EDARADD: variants seen among roughly 807,000 people sequenced by gnomAD.
The protein encoded by EDARADD is ectodysplasin-A receptor-associated adapter protein.
EDARADD carries 20 observed loss-of-function variants against 25.6 expected under a neutral mutation model. That is an observed-to-expected ratio of 0.78 (90% CI 0.55 to 1.14). The LOEUF (loss-of-function observed/expected upper bound fraction) is 1.14, where lower values mean the gene tolerates loss of function less well. Among genes scored for constraint, EDARADD ranks in the 50% most tolerant of loss-of-function variants. The pLI is 0.00. For synonymous variants in EDARADD, 86 were observed against 94.4 expected, an observed-to-expected ratio of 0.91 and a Z score of 0.52; for missense variants, 225 against 270.1, an observed-to-expected ratio of 0.83 and a Z score of 1.17.
chr1:236,363,037 T>G (rs1285177260), intron 3 of EDARADD, among the ~76,000 whole-genome samples: 1 of 80,834 alleles, frequency 1.2e-5, no homozygotes, highest in Non-Finnish European at 2.4e-5. Context: ...ATATATAAAA[T>G]TTGTGTACAG....
In EDARADD at chr1:236,483,102, G is replaced by T; in HGVS notation, c.*453G>T. The T allele has an allele frequency of 9.2e-7, 1 of 1,083,698 alleles. No individual in the cohort carries two copies. The highest frequency in any genetic ancestry group is 1.4e-6 in the Non-Finnish European group (1 of 718,746). 67.1% of individuals were successfully genotyped at this position (1,083,698 alleles called of 1,614,324 possible). A position where few individuals can be genotyped will look rare whatever the true frequency, so the allele number is the denominator to read the frequency against. ...AAACAGCTACAAGGAATGCTTACCT[G>T]AGTGTCTGCAGCACCCTCCACTTCT... On this transcript the variant is annotated 3_prime_UTR_variant, in exon 6 of 6. Coordinates refer to ENST00000334232, the MANE Select transcript of EDARADD (RefSeq NM_145861.4).
At chr1:236,436,260 C>T (rs1024212485) in intron 4 of EDARADD, among the ~76,000 whole-genome samples, 24 of 151,936 alleles carry the variant, frequency 1.6e-4, no homozygotes, top group Admixed American at 9.2e-4. Flanking sequence ...TGGGTTCAAG[C>T]GATTTACCTG....
chr1:236,426,149 TTTTTAAG>T (rs1420517468), intron 3 of EDARADD, among the ~76,000 whole-genome samples: 2 of 151,986 alleles, frequency 1.3e-5, no homozygotes, highest in Non-Finnish European at 2.9e-5. Context: ...GCCTGGCTAA[TTTTTAAG>T]TTTTTTGAGA....
rs577963160 is a variant in EDARADD at position 236,362,987 on chromosome 1, GA to G, written c.-6+12168del. On this transcript the variant is annotated intron_variant, in intron 3 of 7. Transcript: ENST00000439430. ...TCAAGACTCTGTCTTCTTTTTTTAA[GA>G]AAAAAAAAAAAAAAAAAAATATATA... Among the ~76,000 whole-genome samples the G allele has an allele frequency of 5.4e-3, 160 of 29,550 alleles. 5 individuals carry two copies. Among genetic ancestry groups the G allele is most frequent in the African/African-American group, 0.019 (119 of 6,352 alleles). 19.4% of individuals were successfully genotyped at this position (29,550 alleles called of 152,430 possible).
intron 4 of EDARADD, among the ~76,000 whole-genome samples, chr1:236,442,815 G>A (rs1282681308): frequency 1.3e-5 from 2 of 152,202 alleles, no homozygotes; most frequent in South Asian, 4.1e-4. Context: ...GGAAATTAAT[G>A]TTGTTTTCAT....
chr1:236,416,875 C>T (rs10925119), intron 3 of EDARADD, among the ~76,000 whole-genome samples: 31,387 of 151,982 alleles, frequency 0.21, 4,386 homozygotes, highest in African/African-American at 0.4. Context: ...TGTTTATGGC[C>T]GGGTGCCATG....
At chr1:236,415,743 C>T (rs1329390270) in intron 3 of EDARADD, among the ~76,000 whole-genome samples, 1 of 152,216 alleles carries the variant, frequency 6.6e-6, no homozygotes, top group African/African-American at 2.4e-5. Context: ...CCCACTGCAC[C>T]TGGGCCCTGT....
At chr1:236,428,870 C>A (rs1015799095) in intron 4 of EDARADD, among the ~76,000 whole-genome samples, 5 of 152,008 alleles carry the variant, frequency 3.3e-5, no homozygotes, top group African/African-American at 1.2e-4. Flanking sequence ...GAGCGAGACT[C>A]TGTCTGCAAT....
At chr1:236,413,714 A>G (rs1657561146) in intron 2 of EDARADD, among the ~76,000 whole-genome samples, 1 of 152,234 alleles carries the variant, frequency 6.6e-6, no homozygotes, top group African/African-American at 2.4e-5. Flanking sequence ...CTGTAACAGT[A>G]TTACTCTCAA....
intron 5 of EDARADD, among the ~76,000 whole-genome samples, chr1:236,481,873 G>A (rs1659684733): frequency 6.6e-6 from 1 of 151,778 alleles, no homozygotes; most frequent in African/African-American, 2.4e-5. Context: ...CAGCACTTTG[G>A]GAGGCCGAGG....
rs747324152 is a variant in EDARADD, at chr1:236,482,633, C to T, written c.632C>T (p.Pro211Leu). The change falls in exon 6 of 6, where the codon CCC becomes CTC. Residue 211 changes from proline (P) to leucine (L), a missense_variant. Coordinates refer to ENST00000334232, the MANE Select transcript of EDARADD (RefSeq NM_145861.4). The part of the protein sequence containing the change: ...EEWPKRERGD[P>L]SRHF The stretch of plus-strand genomic sequence containing the variant: ...TGGCCCAAGCGGGAGCGTGGAGACC[C>T]CTCCAGGCACTTCTAGAGCTCTTCT... The T allele has an allele frequency of 4.3e-6, 7 of 1,611,872 alleles. No homozygotes were observed. In the Admixed American group the frequency reaches 1.0e-4, roughly 23 times the overall value.
At position 236,430,855 on chromosome 1, in the gene EDARADD, C is replaced by T. The variant is rs185556678; in HGVS notation, c.219+3405C>T. ...GCTGGAGGCCGAGCTCGGTGGCTCA[C>T]GCCTATAATCCCAACACTTTGTGGG... On this transcript the variant is annotated intron_variant, in intron 4 of 5. Coordinates refer to ENST00000334232, the MANE Select transcript of EDARADD (RefSeq NM_145861.4). Among the ~76,000 whole-genome samples the T allele has an allele frequency of 1.6e-3, 243 of 152,242 alleles. 1 individual carries two copies. Among genetic ancestry groups the T allele is most frequent in the African/African-American group, 5.6e-3 (234 of 41,544 alleles).
chr1:236,433,367 TG>T (rs1426375361), intron 4 of EDARADD, among the ~76,000 whole-genome samples: 1 of 151,822 alleles, frequency 6.6e-6, no homozygotes, highest in African/African-American at 2.4e-5. Flanking sequence ...GAGATCAGCC[TG>T]GCCAACATGG....
chr1:236,462,735 G>A (rs947001816), intron 4 of EDARADD, among the ~76,000 whole-genome samples: 1 of 152,200 alleles, frequency 6.6e-6, no homozygotes, highest in African/African-American at 2.4e-5. Context: ...CCGACTTTCT[G>A]TTCAAAGAAT....
chr1:236,430,021 A>ATT (rs1658051970), intron 4 of EDARADD, among the ~76,000 whole-genome samples: 2 of 152,240 alleles, frequency 1.3e-5, no homozygotes, highest in Non-Finnish European at 2.9e-5. Context: ...TAAAGTCTTT[A>ATT]ATAGTAACAT....
intron 3 of EDARADD, among the ~76,000 whole-genome samples, chr1:236,425,641 G>A (rs1402169198): frequency 6.6e-6 from 1 of 152,138 alleles, no homozygotes; most frequent in Non-Finnish European, 1.5e-5. Flanking sequence ...ACCGGTTAGG[G>A]GGATGTGCTA....
At position 236,415,341 on chromosome 1, in the gene EDARADD, C is replaced by T. The variant is rs114321195; in HGVS notation, c.160+1042C>T. Among the ~76,000 whole-genome samples the T allele has an allele frequency of 3.3e-3, 509 of 152,290 alleles. 4 individuals carry two copies. The highest frequency in any genetic ancestry group is 0.012 in the African/African-American group (491 of 41,540). ...AAACTAAAAAAGCTATCTTTGATAA[C>T]CCATACACTTATGCTTTAGGCATGG... On this transcript the variant is annotated intron_variant, in intron 3 of 5. Transcript: ENST00000334232.
At chr1:236,361,843 G>C (rs1250698199) in intron 3 of EDARADD, among the ~76,000 whole-genome samples, 1 of 151,382 alleles carries the variant, frequency 6.6e-6, no homozygotes, top group East Asian at 1.9e-4. Flanking sequence ...TCCAGTTTGG[G>C]GCTATTACAA....
chr1:236,350,510 G>A (rs1666903509), intron 2 of EDARADD, among the ~76,000 whole-genome samples: 1 of 152,174 alleles, frequency 6.6e-6, no homozygotes, highest in South Asian at 2.1e-4. Context: ...CCTGACCTCA[G>A]GTCATCCTCC....
Sources: allele counts gnomAD v4.1 joint callset (sites outside exome capture counted in the v4.1 genomes callset), GRCh38; gene constraint gnomAD v4.1.1; transcripts MANE v1.5; gene names NCBI Gene and HGNC (gene_info 2026-07-23, HGNC 2026-07-21).